Variants in TNFSF4 observed in about 807,000 individuals in gnomAD.
TNFSF4 encodes the protein tumor necrosis factor ligand superfamily member 4.
In TNFSF4, 4 loss-of-function variants were observed where a neutral mutation model predicts 7.3. That is an observed-to-expected ratio of 0.55 (90% CI 0.27 to 1.25). The LOEUF (loss-of-function observed/expected upper bound fraction) is 1.25, where lower values mean the gene tolerates loss of function less well. Ranked by LOEUF, TNFSF4 falls within the 50% of genes most tolerant of loss-of-function variation. TNFSF4 has a pLI of 0.12. For missense variants in TNFSF4, 181 were observed against 208.8 expected, an observed-to-expected ratio of 0.87 and a Z score of 0.82; for synonymous variants, 76 against 83.7, an observed-to-expected ratio of 0.91 and a Z score of 0.50.
At chr1:173,307,210 G>A in the TNFSF4 span, among the ~76,000 whole-genome samples, 34 of 151,834 alleles carry the variant, frequency 2.2e-4, 1 homozygote, top group Admixed American at 1.8e-3. Context: ...TAACAGTAAG[G>A]TAAGATATAA....
At chr1:173,306,099 C>A in the TNFSF4 span, among the ~76,000 whole-genome samples, 1 of 151,790 alleles carries the variant, frequency 6.6e-6, no homozygotes, top group Non-Finnish European at 1.5e-5. Context: ...AAATCCAAAT[C>A]TCAGTGGCAT....
At chr1:173,266,532 T>C in the TNFSF4 span, among the ~76,000 whole-genome samples, 5 of 152,112 alleles carry the variant, frequency 3.3e-5, no homozygotes, top group Admixed American at 2.0e-4. Context: ...TTCTCAAATA[T>C]TGTTCCTACA....
the TNFSF4 span, among the ~76,000 whole-genome samples, chr1:173,432,230 C>A: frequency 3.9e-5 from 6 of 152,166 alleles, no homozygotes; most frequent in Admixed American, 6.5e-5. Flanking sequence ...CACAGCCACC[C>A]GAGTCCAAAA....
the TNFSF4 span, among the ~76,000 whole-genome samples, chr1:173,176,337 TTAA>T: frequency 3.3e-5 from 5 of 152,164 alleles, no homozygotes; most frequent in Non-Finnish European, 5.9e-5. Context: ...GGAGATATTA[TTAA>T]TGAGGATACT....
chr1:173,237,970 A>C, the TNFSF4 span, among the ~76,000 whole-genome samples: 6 of 152,208 alleles, frequency 3.9e-5, no homozygotes, highest in Non-Finnish European at 7.3e-5. Flanking sequence ...AACAAAAAGA[A>C]CAAAGCTAGG....
the TNFSF4 span, among the ~76,000 whole-genome samples, chr1:173,296,464 T>A: frequency 6.6e-6 from 1 of 151,914 alleles, no homozygotes; most frequent in African/African-American, 2.4e-5. Flanking sequence ...CACAAAAAAA[T>A]ACAGAGTTTT....
chr1:173,444,332 C>G, the TNFSF4 span, among the ~76,000 whole-genome samples: 1 of 152,022 alleles, frequency 6.6e-6, no homozygotes, highest in African/African-American at 2.4e-5. Flanking sequence ...CCAGTATTTA[C>G]TTCTAGATGG....
intron 1 of TNFSF4, among the ~76,000 whole-genome samples, chr1:173,190,922 G>A (rs1649450664): frequency 6.6e-6 from 1 of 152,176 alleles, no homozygotes; most frequent in African/African-American, 2.4e-5. Context: ...GTCACTAGAA[G>A]ATCAGGGGCA....
At chr1:173,426,613 T>G in the TNFSF4 span, among the ~76,000 whole-genome samples, 1 of 152,098 alleles carries the variant, frequency 6.6e-6, no homozygotes, top group African/African-American at 2.4e-5. Context: ...TATTTTACTT[T>G]GAGACAGGGT....
the TNFSF4 span, among the ~76,000 whole-genome samples, chr1:173,308,840 T>C: frequency 2.0e-5 from 3 of 151,912 alleles, no homozygotes; most frequent in African/African-American, 7.2e-5. Flanking sequence ...GACTAACATA[T>C]GGCGTCCTCA....
At chr1:173,411,743 A>C in the TNFSF4 span, among the ~76,000 whole-genome samples, 1 of 152,142 alleles carries the variant, frequency 6.6e-6, no homozygotes, top group Non-Finnish European at 1.5e-5. Flanking sequence ...CAGAGGTTGC[A>C]GTGAGCCAAG....
At chr1:173,305,496 T>C in the TNFSF4 span, among the ~76,000 whole-genome samples, 1 of 151,892 alleles carries the variant, frequency 6.6e-6, no homozygotes, top group East Asian at 1.9e-4. Flanking sequence ...GTTGTTAGCC[T>C]GAAATTAGAC....
the TNFSF4 span, among the ~76,000 whole-genome samples, chr1:173,327,455 T>C: frequency 2.6e-5 from 4 of 151,650 alleles, no homozygotes; most frequent in African/African-American, 9.7e-5. Context: ...AAGGACTTCA[T>C]GTCTAAAACA....
chr1:173,427,611 ACT>A, the TNFSF4 span, among the ~76,000 whole-genome samples: 46 of 152,220 alleles, frequency 3.0e-4, 1 homozygote, highest in East Asian at 8.7e-3. Context: ...ATGAAACCTG[ACT>A]CTGATAAGTC....
the TNFSF4 span, among the ~76,000 whole-genome samples, chr1:173,449,504 C>T: frequency 6.6e-6 from 1 of 152,036 alleles, no homozygotes; most frequent in Non-Finnish European, 1.5e-5. Flanking sequence ...CAAGCATGCA[C>T]CACCACACCC....
the TNFSF4 span, among the ~76,000 whole-genome samples, chr1:173,416,089 A>G: frequency 1.3e-5 from 2 of 152,180 alleles, no homozygotes; most frequent in Non-Finnish European, 2.9e-5. Context: ...ATCAATGCCC[A>G]GGGAGGTAGA....
Position 173,185,574 on chromosome 1 carries a change from A to G in TNFSF4, c.*942T>C, listed in dbSNP as rs1165335071. On this transcript the variant is annotated 3_prime_UTR_variant, in exon 3 of 3. Transcript: ENST00000281834. ...ATGTTTCTGTGTGTACAAGACATGG[A>G]GCTGAGTGCGTATCTCAGCATAGGC... 6.6e-6 allele frequency: 1 copy of G among 152,206 alleles called. No homozygotes were observed. Among genetic ancestry groups the G allele is most frequent in the Non-Finnish European group, 1.5e-5 (1 of 68,038 alleles). 9.4% of individuals were successfully genotyped at this position (152,206 alleles called of 1,614,324 possible).
the TNFSF4 span, among the ~76,000 whole-genome samples, chr1:173,422,208 G>A: frequency 5.3e-5 from 8 of 151,262 alleles, no homozygotes; most frequent in Non-Finnish European, 1.2e-4. Context: ...TTAACACCTA[G>A]AGACATTACC....
At chr1:173,242,505 C>A in the TNFSF4 span, among the ~76,000 whole-genome samples, 9 of 152,298 alleles carry the variant, frequency 5.9e-5, no homozygotes, top group South Asian at 1.9e-3. Flanking sequence ...AGAAGGAATT[C>A]ATTCTCCTGT....
Sources: gnomAD v4.1 joint callset for allele counts (sites outside exome capture counted in the v4.1 genomes callset) on GRCh38, gnomAD v4.1.1 for gene constraint, MANE v1.5 for transcripts, NCBI Gene and HGNC (gene_info 2026-07-23, HGNC 2026-07-21) for gene names.